ZNF592: variants seen among roughly 807,000 people sequenced by gnomAD.
The protein encoded by ZNF592 is spinocerebellar ataxia, autosomal recessive 5.
Under a neutral mutation model 80.3 loss-of-function variants are expected in ZNF592, and 11 were observed. The observed-to-expected ratio is 0.14, with a 90% CI of 0.09 to 0.23. The LOEUF is 0.23. Among genes scored for constraint, ZNF592 ranks in the 10% least tolerant of loss-of-function variants. ZNF592 has a pLI of 1.00. For missense variants in ZNF592, 1,420 were observed against 1,633.9 expected (o/e 0.87, Z 2.26); for synonymous variants, 646 against 640.3 (o/e 1.01, Z -0.13).
Position 84,783,166 on chromosome 15 carries a change from A to G in ZNF592, c.491A>G (p.His164Arg). The G allele has an allele frequency of 6.2e-7, 1 of 1,614,092 alleles. No individual in the cohort carries two copies. Among genetic ancestry groups the G allele is most frequent in the South Asian group, 1.1e-5 (1 of 91,072 alleles). ...AACGGATTTGGGATAAAGCCCAAACACTCTGACAGTTATTTCCCACCCCCT... is the reference window on the plus strand; with the variant it reads ...AACGGATTTGGGATAAAGCCCAAACGCTCTGACAGTTATTTCCCACCCCCT... ...KDNGFGIKPKHSDSYFPPPLG... is the reference protein window; with the variant it reads ...KDNGFGIKPKRSDSYFPPPLG... Residue 164 changes from histidine (H) to arginine (R), a missense_variant, in exon 4 of 11, where the codon CAC (histidine) becomes CGC (arginine). Physicochemically the swap from His to Arg is conservative, Grantham distance 29. This residue lies in a region of ZNF592 where 373 missense variants were observed against 355.5 expected (regional missense o/e 1.05). Coordinates refer to ENST00000560079, the MANE Select transcript of ZNF592 (RefSeq NM_014630.3). The surrounding 1 kb of genome is among the most constrained non-coding windows in gnomAD (Gnocchi z 5.0).
At chr15:84,749,837 G>C (rs988814806) in intron 1 of ZNF592, among the ~76,000 whole-genome samples, 6 of 152,200 alleles carry the variant, frequency 3.9e-5, no homozygotes, top group Non-Finnish European at 8.8e-5. Context: ...TGGTGCTAGT[G>C]CGTCCATTTT....
At chr15:84,761,902 GATTA>G (rs544878255) in intron 1 of ZNF592, among the ~76,000 whole-genome samples, 3 of 152,292 alleles carry the variant, frequency 2.0e-5, no homozygotes, top group African/African-American at 4.8e-5. Context: ...CATTGGATTG[GATTA>G]ATTGTCTAGA....
At chr15:84,774,675 TCTG>T (rs1198397354) in intron 2 of ZNF592, among the ~76,000 whole-genome samples, 2 of 152,102 alleles carry the variant, frequency 1.3e-5, no homozygotes, top group East Asian at 3.8e-4. Flanking sequence ...GTTATTTTGT[TCTG>T]TTTTTTTTTT....
chr15:84,795,312 T>C (rs550450087), intron 5 of ZNF592, among the ~76,000 whole-genome samples: 2 of 152,362 alleles, frequency 1.3e-5, no homozygotes, highest in East Asian at 3.9e-4. Flanking sequence ...TATGATTCCA[T>C]AATTGTCTAT....
intron 1 of ZNF592, among the ~76,000 whole-genome samples, chr15:84,755,229 G>T (rs1254795069): frequency 6.6e-6 from 1 of 150,772 alleles, no homozygotes; most frequent in Non-Finnish European, 1.5e-5. Flanking sequence ...GCCTCCCAAA[G>T]TGCTGGGATT....
chr15:84,806,106 T>C lies in ZNF592; in HGVS notation c.*3713T>C, dbSNP rs1462022216. On this transcript the variant is annotated 3_prime_UTR_variant, in exon 11 of 11. Coordinates refer to ENST00000560079, the MANE Select transcript of ZNF592 (RefSeq NM_014630.3). The stretch of plus-strand genomic sequence containing the variant: ...TTCAAAAAGTATATGGATGAATGAG[T>C]GAATGCTGCATGAATGAATGAATCT... The C allele has an allele frequency of 6.6e-6, 1 of 152,564 alleles. No homozygotes were observed. Among genetic ancestry groups the C allele is most frequent in the East Asian group, 1.9e-4 (1 of 5,196 alleles). 9.5% of individuals were successfully genotyped at this position (152,564 alleles called of 1,614,324 possible).
intron 2 of ZNF592, among the ~76,000 whole-genome samples, chr15:84,767,840 G>A (rs980925567): frequency 4.0e-5 from 6 of 149,386 alleles, no homozygotes; most frequent in Middle Eastern, 3.3e-3. Context: ...GTTTGTTCAC[G>A]GACTTGTATT....
intron 1 of ZNF592, among the ~76,000 whole-genome samples, chr15:84,760,794 A>G (rs897468519): frequency 1.3e-5 from 2 of 152,154 alleles, no homozygotes; most frequent in Non-Finnish European, 2.9e-5. Context: ...TCCAGTCTCT[A>G]TACCCCATCT....
intron 1 of ZNF592, among the ~76,000 whole-genome samples, chr15:84,749,484 G>A (rs1358435325): frequency 6.6e-6 from 1 of 152,162 alleles, no homozygotes; most frequent in Non-Finnish European, 1.5e-5. Flanking sequence ...TTTTGAGTAG[G>A]CCAAAGGTGG....
In ZNF592 at chr15:84,799,154, C is replaced by G; in HGVS notation, c.3081C>G (p.Ser1027Arg). 1 of 1,614,184 alleles carries G rather than the reference C, an allele frequency of 6.2e-7. No individual in the cohort carries two copies. Among genetic ancestry groups the G allele is most frequent in the Non-Finnish European group, 8.5e-7 (1 of 1,180,022 alleles). ...AACAGTCCTTCCACACCCCCAACAG[C>G]CTGCGCAAACACATCCGCAACAACC... ...QCEQSFHTPN[S>R]LRKHIRNNHD... The change falls in exon 9 of 11, where the codon AGC becomes AGG. Residue 1027 changes from serine to arginine, a missense_variant. Around this residue, in one of 7 missense-constraint regions of ZNF592, gnomAD observed 331 missense variants for 347.0 expected, o/e 0.95. Coordinates refer to ENST00000560079, the MANE Select transcript of ZNF592 (RefSeq NM_014630.3). The surrounding 1 kb of genome is among the most constrained non-coding windows in gnomAD (Gnocchi z 4.2).
rs769505768 is a variant in ZNF592 at position 84,783,579 on chromosome 15, G to A, written c.904G>A (p.Glu302Lys). ...QAKRVASVTK[E>K]DQPGHTKDLS... is the part of the protein sequence containing the mutation. ...CAAAAGAGTGGCTAGTGTCACTAAGGAGGATCAGCCTGGCCACACAAAGGA... is the reference window on the plus strand; with the variant it reads ...CAAAAGAGTGGCTAGTGTCACTAAGAAGGATCAGCCTGGCCACACAAAGGA... Residue 302 changes from glutamate to lysine, a missense_variant, in exon 4 of 11, where the codon GAG (glutamate) becomes AAG (lysine). This residue lies in a region of ZNF592 where 373 missense variants were observed against 355.5 expected (regional missense o/e 1.05). Transcript: ENST00000560079. This position sits in a 1 kb window ranked among gnomAD's most constrained non-coding sequence, Gnocchi z 5.0. 1 of 1,614,238 alleles carries A rather than the reference G, an allele frequency of 6.2e-7. No individual in the cohort carries two copies. The highest frequency in any genetic ancestry group is 8.5e-7 in the Non-Finnish European group (1 of 1,180,046).
chr15:84,790,628 C>G (rs1962719529), intron 4 of ZNF592, 77 bp from the exon 5 acceptor site: 5 of 1,504,566 alleles, frequency 3.3e-6, no homozygotes, highest in Non-Finnish European at 4.6e-6. Context: ...CATGTACTAG[C>G]AAACCAGACA....
At chr15:84,759,847 G>A (rs537727193) in intron 1 of ZNF592, among the ~76,000 whole-genome samples, 1 of 152,154 alleles carries the variant, frequency 6.6e-6, no homozygotes, top group Admixed American at 6.5e-5. Flanking sequence ...CCACCTTGGT[G>A]GTCCTGCTGG....
chr15:84,777,768 C>G (rs1348042137), intron 2 of ZNF592, among the ~76,000 whole-genome samples: 1 of 136,310 alleles, frequency 7.3e-6, no homozygotes, highest in Non-Finnish European at 1.5e-5. Flanking sequence ...GGCACGATCT[C>G]AGCTCACTGC....
chr15:84,782,726 C>T lies in ZNF592; in HGVS notation c.51C>T (p.Asp17=). 1 of 1,614,176 alleles carries T rather than the reference C, an allele frequency of 6.2e-7. No homozygotes were observed. Among genetic ancestry groups the T allele is most frequent in the Non-Finnish European group, 8.5e-7 (1 of 1,180,032 alleles). The change falls in exon 4 of 11, where the codon GAC becomes GAT. Residue 17 remains aspartate, a synonymous_variant. Transcript: ENST00000560079. ...TTGATGACCTTCTGGCTGCCTTTGA[C>T]ATCCCAGACCCCACCAGCCTTGATG... The part of the protein sequence containing the change: ...PDFDDLLAAF[D]IPDPTSLDAK...
intron 2 of ZNF592, among the ~76,000 whole-genome samples, chr15:84,765,657 G>A (rs1048394554): frequency 2.7e-5 from 4 of 146,594 alleles, no homozygotes; most frequent in African/African-American, 1.0e-4. Context: ...TCCTGCCTCA[G>A]CCTCCTGAGT....
chr15:84,799,733 CAGCCCAGGAG>C lies in ZNF592; in HGVS notation c.3138-108_3138-99del. 1 of 1,555,594 alleles carries C rather than the reference CAGCCCAGGAG, an allele frequency of 6.4e-7. No individual in the cohort carries two copies. The highest frequency in any genetic ancestry group is 8.8e-7 in the Non-Finnish European group (1 of 1,140,768). On this transcript the variant is annotated intron_variant, in intron 9 of 10. Transcript: ENST00000560079. This position sits in a 1 kb window ranked among gnomAD's most constrained non-coding sequence, Gnocchi z 4.2. ...TCTCTCTGGGGTTCCCAGCACTAGC[CAGCCCAGGAG>C]TCTGCTCCAGACTCCCTCCTTCCTG... is the stretch of plus-strand genomic sequence containing the variant.
In ZNF592 at chr15:84,783,755, C is replaced by T; in HGVS notation, c.1080C>T (p.Gly360=). 1 of 1,614,226 alleles carries T rather than the reference C, an allele frequency of 6.2e-7. No homozygotes were observed. Among genetic ancestry groups the T allele is most frequent in the African/African-American group, 1.3e-5 (1 of 75,056 alleles). Reference sequence around the variant, plus strand: ...TCTGCAGTGACAGCAGCAGCAAAGGCTCACCGTCTGTGGCTGCCAGCTCCC... The same window carrying T: ...TCTGCAGTGACAGCAGCAGCAAAGGTTCACCGTCTGTGGCTGCCAGCTCCC... ...RSICSDSSSK[G]SPSVAASSPP... The change falls in exon 4 of 11, where the codon GGC becomes GGT. Residue 360 remains glycine (G), a synonymous_variant. Transcript: ENST00000560079. This position sits in a 1 kb window ranked among gnomAD's most constrained non-coding sequence, Gnocchi z 5.0.
At chr15:84,751,778 G>A (rs1353168517) in intron 1 of ZNF592, among the ~76,000 whole-genome samples, 7 of 152,104 alleles carry the variant, frequency 4.6e-5, no homozygotes, top group African/African-American at 1.7e-4. Context: ...GGTGGCACGC[G>A]CCTGTAGTCC....
Sources: gnomAD v4.1 joint callset for allele counts (sites outside exome capture counted in the v4.1 genomes callset) on GRCh38, gnomAD v4.1.1 for gene constraint, gnomAD v4.1.1 regional missense constraint, Gnocchi (gnomAD v3.1) non-coding constraint, MANE v1.5 for transcripts, NCBI Gene and HGNC (gene_info 2026-07-23, HGNC 2026-07-21) for gene names.